The following CPEB3 variants were observed in gnomAD, a reference collection of about 807,000 sequenced individuals.
CPEB3 encodes cytoplasmic polyadenylation element-binding protein 3.
A neutral mutation model predicts 67.2 loss-of-function variants in CPEB3; 20 were observed. That is an observed-to-expected ratio of 0.30 (90% CI 0.21 to 0.43). The LOEUF is 0.43. CPEB3 is among the 20% of genes least tolerant of loss of function. The pLI is 1.00. For synonymous variants in CPEB3, 376 were observed against 393.1 expected, an observed-to-expected ratio of 0.96 and a Z score of 0.51; for missense variants, 746 against 968.6, an observed-to-expected ratio of 0.77 and a Z score of 3.05.
chr10:92,191,203 AACAG>A (rs1297809101), intron 3 of CPEB3, among the ~76,000 whole-genome samples: 1 of 152,040 alleles, frequency 6.6e-6, no homozygotes, highest in Non-Finnish European at 1.5e-5. Context: ...GGAGTCTGAG[AACAG>A]CCTGGCCAAC....
chr10:92,219,738 A>T (rs1378943235), intron 2 of CPEB3, among the ~76,000 whole-genome samples: 1 of 152,248 alleles, frequency 6.6e-6, no homozygotes, highest in Non-Finnish European at 1.5e-5. Context: ...AAAATGAATC[A>T]TCTACACTGG....
At chr10:92,268,225 T>C (rs1853148117) in intron 1 of CPEB3, among the ~76,000 whole-genome samples, 1 of 152,192 alleles carries the variant, frequency 6.6e-6, no homozygotes, top group African/African-American at 2.4e-5. Context: ...ACAGATATTT[T>C]TTCCTCTCTT....
Position 92,071,317 on chromosome 10 carries a change from T to C in CPEB3, c.1869+10003A>G, listed in dbSNP as rs2901540. ...AACATGACCAAGCTGAGCTAGACAA[T>C]GGTTGTGTTGGGGGGCAGCAGGAGT... On this transcript the variant is annotated intron_variant, in intron 9 of 9. Coordinates refer to ENST00000265997, the MANE Select transcript of CPEB3 (RefSeq NM_014912.5). 3.3e-5 allele frequency among the ~76,000 whole-genome samples: 5 copies of C among 152,306 alleles called. No homozygotes were observed. In the East Asian group the frequency reaches 9.6e-4, roughly 29 times the overall value.
At chr10:92,126,488 C>T (rs891162265) in intron 6 of CPEB3, among the ~76,000 whole-genome samples, 1 of 152,170 alleles carries the variant, frequency 6.6e-6, no homozygotes, top group African/African-American at 2.4e-5. Flanking sequence ...CCAGTCTAAA[C>T]CACCTCTTTG....
intron 7 of CPEB3, among the ~76,000 whole-genome samples, chr10:92,103,350 C>T (rs1844285837): frequency 6.6e-6 from 1 of 152,216 alleles, no homozygotes; most frequent in Non-Finnish European, 1.5e-5. Flanking sequence ...ACTTATATTG[C>T]ACTACTGTGC....
chr10:92,206,782 T>C (rs1849812543), intron 2 of CPEB3, among the ~76,000 whole-genome samples: 1 of 152,194 alleles, frequency 6.6e-6, no homozygotes, highest in South Asian at 2.1e-4. Context: ...ATTCAAGTTT[T>C]TCACTTAAGT....
At chr10:92,064,358 G>A (rs1842471289) in intron 9 of CPEB3, among the ~76,000 whole-genome samples, 3 of 152,196 alleles carry the variant, frequency 2.0e-5, no homozygotes, top group Non-Finnish European at 4.4e-5. Flanking sequence ...TAGTATGGGG[G>A]CTACTTGAAT....
chr10:92,119,732 A>G (rs562591448), intron 6 of CPEB3, among the ~76,000 whole-genome samples: 29 of 152,324 alleles, frequency 1.9e-4, no homozygotes, highest in African/African-American at 6.3e-4. Flanking sequence ...AGCTGCTTTG[A>G]GGAAGAAATA....
In CPEB3 at chr10:92,143,011, A is replaced by G. The variant is rs371041532; in HGVS notation, c.1453+18T>C. The G allele has an allele frequency of 2.5e-6, 4 of 1,585,528 alleles. No homozygotes were observed. The African/African-American group carries it at 5.4e-5, about 21-fold the overall frequency. ...TCTCTCCAACAGGCAAGCAGTGGAAACATTTTAAGAGCATTACCTTTAGGA... is the reference window on the plus strand; with the variant it reads ...TCTCTCCAACAGGCAAGCAGTGGAAGCATTTTAAGAGCATTACCTTTAGGA... On this transcript the variant is annotated intron_variant, in intron 6 of 9. Transcript: ENST00000265997.
chr10:92,185,998 G>T (rs1366516268), intron 3 of CPEB3, among the ~76,000 whole-genome samples: 1 of 151,870 alleles, frequency 6.6e-6, no homozygotes, highest in Non-Finnish European at 1.5e-5. Flanking sequence ...ACTAATAGCG[G>T]GTAATTTTTG....
chr10:92,063,138 A>T (rs1157427546), intron 9 of CPEB3, among the ~76,000 whole-genome samples: 1 of 152,228 alleles, frequency 6.6e-6, no homozygotes, highest in Admixed American at 6.5e-5. Flanking sequence ...TTTTTAACAA[A>T]CTGATCTCAA....
intron 2 of CPEB3, among the ~76,000 whole-genome samples, chr10:92,195,290 C>A (rs1025345028): frequency 6.6e-6 from 1 of 152,180 alleles, no homozygotes; most frequent in South Asian, 2.1e-4. Context: ...ACCTATCTCT[C>A]CCCTTGGATA....
chr10:92,213,622 T>C (rs1255577681), intron 2 of CPEB3, among the ~76,000 whole-genome samples: 1 of 152,204 alleles, frequency 6.6e-6, no homozygotes, highest in Non-Finnish European at 1.5e-5. Flanking sequence ...CCTAAATTTT[T>C]AGACTTTGTA....
chr10:92,200,545 CAAAAAAAA>C (rs57165866), intron 2 of CPEB3, among the ~76,000 whole-genome samples: 2 of 54,556 alleles, frequency 3.7e-5, no homozygotes, highest in African/African-American at 8.1e-5. Context: ...AACTCCGTCT[CAAAAAAAA>C]AAAAAAAAAA....
chr10:92,225,899 C>G (rs778904101), intron 2 of CPEB3, among the ~76,000 whole-genome samples: 2 of 152,172 alleles, frequency 1.3e-5, no homozygotes. Context: ...GAGTTGGAGA[C>G]CAGCCTGACC....
chr10:92,263,016 C>T (rs1414981319), intron 1 of CPEB3, among the ~76,000 whole-genome samples: 6 of 152,114 alleles, frequency 3.9e-5, no homozygotes, highest in East Asian at 3.9e-4. Flanking sequence ...GCAGTCCTCC[C>T]GCCTCAGCCT....
chr10:92,257,285 T>C (rs748791588), intron 1 of CPEB3, among the ~76,000 whole-genome samples: 26 of 152,240 alleles, frequency 1.7e-4, no homozygotes, highest in Admixed American at 5.9e-4. Flanking sequence ...TTTTGATACA[T>C]ATTAACAAAT....
At chr10:92,134,275 C>G in intron 6 of CPEB3, among the ~76,000 whole-genome samples, 1 of 152,166 alleles carries the variant, frequency 6.6e-6, no homozygotes, top group East Asian at 1.9e-4. Context: ...ACCCCATCAT[C>G]TCAGCCCAAA....
At chr10:92,082,333 G>A (rs1442024315) in intron 8 of CPEB3, among the ~76,000 whole-genome samples, 1 of 152,154 alleles carries the variant, frequency 6.6e-6, no homozygotes, top group African/African-American at 2.4e-5. Context: ...TGCCCAGGCT[G>A]GAGTGCAGTG....
Sources: gnomAD v4.1 joint callset for allele counts (sites outside exome capture counted in the v4.1 genomes callset) on GRCh38, gnomAD v4.1.1 for gene constraint, MANE v1.5 for transcripts, NCBI Gene and HGNC (gene_info 2026-07-23, HGNC 2026-07-21) for gene names.